Variants in PAX7 observed in about 807,000 individuals in gnomAD.
PAX7 encodes the protein paired box protein Pax-7.
In PAX7, 18 loss-of-function variants were observed where a neutral mutation model predicts 50.7. The ratio of observed to expected loss-of-function variants is 0.36; its 90% confidence interval spans 0.25 to 0.53. The LOEUF is 0.53. Ranked by LOEUF, PAX7 falls within the 20% of genes least tolerant of loss-of-function variation. PAX7 has a pLI of 0.93. For synonymous variants in PAX7, 310 were observed against 290.4 expected (o/e 1.07, Z -0.69); for missense variants, 644 against 702.9 (o/e 0.92, Z 0.95).
chr1:18,642,240 T>C (rs996253543), intron 4 of PAX7, among the ~76,000 whole-genome samples: 1 of 152,290 alleles, frequency 6.6e-6, no homozygotes, highest in East Asian at 1.9e-4. Flanking sequence ...GCCATCATTC[T>C]ATCACCATCA....
intron 4 of PAX7, among the ~76,000 whole-genome samples, chr1:18,657,893 C>T (rs1016029826): frequency 2.6e-5 from 4 of 152,174 alleles, no homozygotes; most frequent in Admixed American, 2.6e-4. Context: ...GAACTCTTCC[C>T]AAAAGTTTAT....
At chr1:18,679,947 T>C (rs1323739132) in intron 4 of PAX7, among the ~76,000 whole-genome samples, 1 of 152,164 alleles carries the variant, frequency 6.6e-6, no homozygotes, top group African/African-American at 2.4e-5. Context: ...ATAATAACAA[T>C]AGCAGCAATA....
Position 18,682,911 on chromosome 1 carries a change from A to C in PAX7, c.587-8843A>C, listed in dbSNP as rs145855644. Among the ~76,000 whole-genome samples, 1,068 of 152,108 alleles carry C rather than the reference A, an allele frequency of 7.0e-3. 2 individuals are homozygous for C. The highest frequency in any genetic ancestry group is 0.014 in the South Asian group (65 of 4,810). On this transcript the variant is annotated intron_variant, in intron 4 of 8. Coordinates refer to ENST00000420770, the MANE Select transcript of PAX7 (RefSeq NM_001135254.2). ...GCCCCCTCCCTGCTCCTGTACCCTC[A>C]CTCAATCCCCTTCTCCACCTGTCCC... is the stretch of plus-strand genomic sequence containing the variant.
At chr1:18,727,731 G>A (rs1358597321) in intron 7 of PAX7, among the ~76,000 whole-genome samples, 2 of 152,196 alleles carry the variant, frequency 1.3e-5, no homozygotes, top group African/African-American at 4.8e-5. Flanking sequence ...GGGCTTCGAG[G>A]GTGACAAATG....
At chr1:18,660,508 A>G (rs2088584583) in intron 4 of PAX7, among the ~76,000 whole-genome samples, 1 of 152,144 alleles carries the variant, frequency 6.6e-6, no homozygotes, top group Non-Finnish European at 1.5e-5. Flanking sequence ...TTGTGGAGTC[A>G]TCATAATTTA....
rs574074514 is a variant in PAX7 at position 18,738,654 on chromosome 1, T to C, written c.1402+2776T>C. On this transcript the variant is annotated intron_variant, in intron 8 of 8. Transcript: ENST00000420770. Reference sequence around the variant, plus strand: ...CTGCCCTGGCTTCTCCAGGAATAGCTCAGAGCTCCTCTTGGCCACATTCTC... The same window carrying C: ...CTGCCCTGGCTTCTCCAGGAATAGCCCAGAGCTCCTCTTGGCCACATTCTC... Among the ~76,000 whole-genome samples, 75 of 151,062 alleles carry C rather than the reference T, an allele frequency of 5.0e-4. 1 individual carries two copies. Among genetic ancestry groups the C allele is most frequent in the Middle Eastern group, 6.8e-3 (2 of 294 alleles).
At chr1:18,721,366 C>T (rs140620053) in intron 7 of PAX7, among the ~76,000 whole-genome samples, 2 of 152,326 alleles carry the variant, frequency 1.3e-5, no homozygotes, top group African/African-American at 4.8e-5. Flanking sequence ...CCTCCCCAAG[C>T]CAGAGGTGGC....
chr1:18,665,439 G>C (rs374322077), intron 4 of PAX7, among the ~76,000 whole-genome samples: 1 of 151,808 alleles, frequency 6.6e-6, no homozygotes, highest in Non-Finnish European at 1.5e-5. Context: ...GCAGTGGCAC[G>C]ATCTCGGCTC....
At chr1:18,728,068 T>A (rs962455467) in intron 7 of PAX7, among the ~76,000 whole-genome samples, 3 of 152,056 alleles carry the variant, frequency 2.0e-5, no homozygotes, top group Non-Finnish European at 4.4e-5. Context: ...CTTGCACTAA[T>A]CCCAGTGTGG....
chr1:18,734,261 G>A (rs559580714), intron 7 of PAX7, among the ~76,000 whole-genome samples: 13 of 152,262 alleles, frequency 8.5e-5, no homozygotes, highest in Non-Finnish European at 1.8e-4. Context: ...TCTCCGTCTC[G>A]GTGCTGGGCA....
At chr1:18,709,138 G>C (rs1387029484) in intron 7 of PAX7, among the ~76,000 whole-genome samples, 3 of 152,118 alleles carry the variant, frequency 2.0e-5, no homozygotes, top group Non-Finnish European at 2.9e-5. Flanking sequence ...AACTATATCA[G>C]AGTAGGAAGT....
chr1:18,715,925 G>A (rs150825622), intron 7 of PAX7, among the ~76,000 whole-genome samples: 1 of 152,098 alleles, frequency 6.6e-6, no homozygotes, highest in African/African-American at 2.4e-5. Flanking sequence ...CTTTGCAGCT[G>A]TCTCTTCCAC....
At chr1:18,724,488 G>A (rs531581629) in intron 7 of PAX7, among the ~76,000 whole-genome samples, 18 of 152,300 alleles carry the variant, frequency 1.2e-4, no homozygotes, top group African/African-American at 3.8e-4. Flanking sequence ...CCGTAACTTC[G>A]AGGGACAGCA....
At chr1:18,714,788 C>G (rs2089398265) in intron 7 of PAX7, among the ~76,000 whole-genome samples, 1 of 152,260 alleles carries the variant, frequency 6.6e-6, no homozygotes, top group Admixed American at 6.5e-5. Context: ...CACCTCCTTC[C>G]TGCCTCCTGA....
Position 18,635,125 on chromosome 1 carries a change from G to A in PAX7, c.336G>A (p.Pro112=), listed in dbSNP as rs371150760. Reference sequence around the variant, plus strand: ...CACCTCTGAAGCAGGTGGCGACTCCGGATGTAGAGAAAAAGATTGAGGAGT... The same window carrying A: ...CACCTCTGAAGCAGGTGGCGACTCCAGATGTAGAGAAAAAGATTGAGGAGT... ...GGSKPRQVAT[P]DVEKKIEEYK... is the part of the protein sequence containing the mutation. The change falls in exon 3 of 9, where the codon CCG becomes CCA. Residue 112 remains proline, a synonymous_variant. Coordinates refer to ENST00000420770, the MANE Select transcript of PAX7 (RefSeq NM_001135254.2). The A allele has an allele frequency of 4.2e-4, 682 of 1,613,536 alleles. 1 individual carries two copies. The highest frequency in any genetic ancestry group is 5.3e-4 in the Non-Finnish European group (630 of 1,179,752).
At chr1:18,730,761 G>C (rs2089635784) in intron 7 of PAX7, among the ~76,000 whole-genome samples, 1 of 151,934 alleles carries the variant, frequency 6.6e-6, no homozygotes, top group Non-Finnish European at 1.5e-5. Flanking sequence ...AGGGGGCGGT[G>C]AGCAGAGGCT....
At position 18,726,559 on chromosome 1, in the gene PAX7, A is replaced by G. The variant is rs2089574285; in HGVS notation, c.1156-9073A>G. On this transcript the variant is annotated intron_variant, in intron 7 of 8. Coordinates refer to ENST00000420770, the MANE Select transcript of PAX7 (RefSeq NM_001135254.2). The surrounding 1 kb of genome is among the most constrained non-coding windows in gnomAD (Gnocchi z 4.8). ...CAAATCCAGGCACGTCATGGCCACA[A>G]GAAAACAACAAACAGGGTGAGGCTC... Among the ~76,000 whole-genome samples, 1 of 152,148 alleles carries G rather than the reference A, an allele frequency of 6.6e-6. No homozygotes were observed. The highest frequency in any genetic ancestry group is 6.5e-5 in the Admixed American group (1 of 15,278).
At position 18,744,929 on chromosome 1, in the gene PAX7, G is replaced by A. The variant is rs542855475; in HGVS notation, c.1518G>A (p.Ter506=). ...CTGTGGAAACTGGCCAGGCCTACTAGGGCCCCTGGGGCGACTTGCCCCAGC... is the reference window on the plus strand; with the variant it reads ...CTGTGGAAACTGGCCAGGCCTACTAAGGCCCCTGGGGCGACTTGCCCCAGC... ...LLPVETGQAY[*] The change falls in exon 9 of 9, where the codon TAG becomes TAA. Residue 506 remains the stop codon, a stop_retained_variant. Transcript: ENST00000420770. The A allele has an allele frequency of 1.1e-5, 16 of 1,513,418 alleles. No homozygotes were observed. In the African/African-American group the frequency reaches 1.8e-4, roughly 17 times the overall value. The allele number at this position is 1,513,418 out of a possible 1,614,324, so 93.7% of individuals were successfully genotyped here.
intron 4 of PAX7, among the ~76,000 whole-genome samples, chr1:18,642,486 AG>A (rs2088271278): frequency 6.6e-6 from 1 of 152,126 alleles, no homozygotes; most frequent in African/African-American, 2.4e-5. Context: ...CTAAGGGGGG[AG>A]GACACATTCC....
Sources: gnomAD v4.1 joint callset for allele counts (sites outside exome capture counted in the v4.1 genomes callset) on GRCh38, gnomAD v4.1.1 for gene constraint, Gnocchi (gnomAD v3.1) non-coding constraint, MANE v1.5 for transcripts, NCBI Gene and HGNC (gene_info 2026-07-23, HGNC 2026-07-21) for gene names.